Variants in NRXN1 observed in about 807,000 individuals in gnomAD.
NRXN1 encodes neurexin 1, also known as neurexin-1.
Under a neutral mutation model 150.9 loss-of-function variants are expected in NRXN1, and 39 were observed. The ratio of observed to expected loss-of-function variants is 0.26; its 90% CI spans 0.20 to 0.34. The LOEUF (loss-of-function observed/expected upper bound fraction) is 0.34, where lower values mean the gene tolerates loss of function less well. Among genes scored for constraint, NRXN1 ranks in the 10% least tolerant of loss-of-function variants. The pLI, the probability that NRXN1 is intolerant of heterozygous loss-of-function variation, is 1.00. For missense variants in NRXN1, 1,815 were observed against 1,949.9 expected (o/e 0.93, Z 1.30); for synonymous variants, 924 against 757.0 (o/e 1.22, Z -3.62).
intron 2 of NRXN1, among the ~76,000 whole-genome samples, chr2:50,996,726 A>G (rs1186771357): frequency 6.6e-6 from 1 of 151,782 alleles, no homozygotes; most frequent in African/African-American, 2.4e-5. Context: ...AAATGCAGAA[A>G]ACTAGAAAAT....
chr2:50,776,552 T>C (rs962522991), intron 5 of NRXN1, among the ~76,000 whole-genome samples: 3 of 151,426 alleles, frequency 2.0e-5, no homozygotes, highest in African/African-American at 7.3e-5. Context: ...TGAAACACTT[T>C]AACAAAATCT....
intron 5 of NRXN1, among the ~76,000 whole-genome samples, chr2:50,853,575 A>G (rs1277696458): frequency 1.3e-5 from 2 of 152,158 alleles, no homozygotes; most frequent in Non-Finnish European, 2.9e-5. Context: ...GAATAGGACC[A>G]TATAAAAATA....
intron 5 of NRXN1, among the ~76,000 whole-genome samples, chr2:50,911,235 T>C (rs74866457): frequency 0.028 from 4,189 of 151,966 alleles, 228 homozygotes; most frequent in African/African-American, 0.095. Flanking sequence ...CTATTTCTAC[T>C]TGGAGAAATG....
intron 11 of NRXN1, among the ~76,000 whole-genome samples, chr2:50,530,831 G>T (rs2105203691): frequency 6.6e-6 from 1 of 152,274 alleles, no homozygotes; most frequent in African/African-American, 2.4e-5. Context: ...GATATTTTGT[G>T]CAAATCCTTT....
chr2:50,207,393 G>GA (rs906204317), intron 18 of NRXN1: 2 of 151,826 alleles, frequency 1.3e-5, no homozygotes, highest in Admixed American at 6.6e-5. Flanking sequence ...GGTCACAATG[G>GA]AAAAAATATT....
intron 10 of NRXN1, among the ~76,000 whole-genome samples, chr2:50,534,602 T>C (rs1427361706): frequency 1.3e-5 from 2 of 152,162 alleles, no homozygotes; most frequent in Non-Finnish European, 2.9e-5. Flanking sequence ...TTTACTTTTG[T>C]TTTTCCTAAA....
chr2:50,968,929 A>T (rs1375365132), intron 2 of NRXN1, among the ~76,000 whole-genome samples: 2 of 152,076 alleles, frequency 1.3e-5, no homozygotes, highest in Admixed American at 6.6e-5. Flanking sequence ...CTGGTTTAGA[A>T]AAATGTCTGA....
chr2:50,856,720 T>C (rs1032558288), intron 5 of NRXN1, among the ~76,000 whole-genome samples: 1 of 152,096 alleles, frequency 6.6e-6, no homozygotes, highest in Non-Finnish European at 1.5e-5. Flanking sequence ...AAAATATTCA[T>C]GATACTTAAT....
Position 50,664,447 on chromosome 2 carries a change from G to A in NRXN1, c.833-40832C>T, listed in dbSNP as rs540241881. ...TGTGTGTGTGTGTGTGTGGCGTGGC[G>A]GGGGCGGGTGGGTAGAAGGATAGGC... On this transcript the variant is annotated intron_variant, in intron 5 of 22. Coordinates refer to ENST00000401669, the MANE Select transcript of NRXN1 (RefSeq NM_001330078.2). Among the ~76,000 whole-genome samples the A allele has an allele frequency of 1.5e-4, 23 of 148,880 alleles. No homozygotes were observed. In the East Asian group the frequency reaches 4.0e-3, roughly 26 times the overall value.
intron 5 of NRXN1, among the ~76,000 whole-genome samples, chr2:50,627,392 TGTGC>T (rs772182428): frequency 6.8e-5 from 8 of 118,290 alleles, no homozygotes; most frequent in East Asian, 2.8e-4. Context: ...TGTGTGTGTG[TGTGC>T]GCATACTAAT....
chr2:50,894,086 T>A (rs1024740550), intron 5 of NRXN1, among the ~76,000 whole-genome samples: 1 of 151,902 alleles, frequency 6.6e-6, no homozygotes, highest in Non-Finnish European at 1.5e-5. Context: ...CTGGGGACTG[T>A]TGTGGGTTGG....
At chr2:50,529,695 A>G (rs376089940) in intron 11 of NRXN1, among the ~76,000 whole-genome samples, 1 of 152,192 alleles carries the variant, frequency 6.6e-6, no homozygotes, top group African/African-American at 2.4e-5. Flanking sequence ...TTTCTACAGA[A>G]TGCTTTGCTG....
At chr2:50,578,714 T>A (rs914233447) in intron 8 of NRXN1, among the ~76,000 whole-genome samples, 10 of 151,840 alleles carry the variant, frequency 6.6e-5, no homozygotes, top group Non-Finnish European at 1.3e-4. Context: ...TATAATAAAT[T>A]AAAAAAAATG....
intron 18 of NRXN1, among the ~76,000 whole-genome samples, chr2:50,194,420 A>C (rs2061630429): frequency 2.6e-5 from 4 of 152,200 alleles, no homozygotes; most frequent in African/African-American, 9.6e-5. Context: ...ATACAAATTC[A>C]TAAATTCTAG....
chr2:50,107,734 T>G (rs764235208), intron 18 of NRXN1, among the ~76,000 whole-genome samples: 18 of 151,762 alleles, frequency 1.2e-4, no homozygotes, highest in Non-Finnish European at 1.8e-4. Flanking sequence ...TTGGCCTAGA[T>G]AGTTTATGTC....
chr2:50,358,316 G>C (rs957704518), intron 17 of NRXN1, among the ~76,000 whole-genome samples: 1 of 152,230 alleles, frequency 6.6e-6, no homozygotes, highest in Non-Finnish European at 1.5e-5. Context: ...AGTCCAGCAA[G>C]CTAAGATCCA....
At position 50,758,615 on chromosome 2, in the gene NRXN1, T is replaced by C. The variant is rs545493917; in HGVS notation, c.833-135000A>G. ...CCACCACCATTCCCAGCTTATAAAC[T>C]ACTTTTAAATAGCAGTCATTCTGGC... is the stretch of plus-strand genomic sequence containing the variant. On this transcript the variant is annotated intron_variant, in intron 5 of 22. Coordinates refer to ENST00000401669, the MANE Select transcript of NRXN1 (RefSeq NM_001330078.2). 4.6e-5 allele frequency among the ~76,000 whole-genome samples: 7 copies of C among 152,016 alleles called. No homozygotes were observed. The South Asian group carries it at 1.4e-3, about 31-fold the overall frequency.
chr2:50,874,437 T>C (rs945826317), intron 5 of NRXN1, among the ~76,000 whole-genome samples: 1 of 151,268 alleles, frequency 6.6e-6, no homozygotes, highest in African/African-American at 2.4e-5. Flanking sequence ...GAGGCACCAA[T>C]AGGGGTACTG....
intron 18 of NRXN1, among the ~76,000 whole-genome samples, chr2:50,145,547 G>C (rs1707885111): frequency 6.6e-6 from 1 of 151,576 alleles, no homozygotes; most frequent in Admixed American, 6.6e-5. Context: ...TCCAGAACAA[G>C]ACCCAGTCTA....
Sources: allele counts gnomAD v4.1 joint callset (sites outside exome capture counted in the v4.1 genomes callset), GRCh38; gene constraint gnomAD v4.1.1; transcripts MANE v1.5; gene names NCBI Gene and HGNC (gene_info 2026-07-23, HGNC 2026-07-21).